CDK14: variants seen among roughly 807,000 people sequenced by gnomAD.
The protein encoded by CDK14 is cyclin-dependent kinase 14.
CDK14 carries 34 observed loss-of-function variants against 60.7 expected under a neutral mutation model. The observed-to-expected ratio is 0.56, with a 90% CI of 0.43 to 0.75. The LOEUF is 0.75. CDK14 is among the 30% of genes least tolerant of loss of function. The pLI is 0.00. For synonymous variants in CDK14, 197 were observed against 203.7 expected, an observed-to-expected ratio of 0.97 and a Z score of 0.28; for missense variants, 482 against 564.1, an observed-to-expected ratio of 0.85 and a Z score of 1.47.
intron 2 of CDK14, among the ~76,000 whole-genome samples, chr7:90,651,905 T>C (rs1400714312): frequency 6.6e-6 from 1 of 152,204 alleles, no homozygotes; most frequent in African/African-American, 2.4e-5. Context: ...ATACAAGTAC[T>C]TATTCCTATG....
chr7:90,838,665 G>A (rs561534124), intron 5 of CDK14, among the ~76,000 whole-genome samples: 3 of 152,270 alleles, frequency 2.0e-5, no homozygotes, highest in Admixed American at 6.5e-5. Context: ...TTATGCAGTT[G>A]AGATAAGGGA....
chr7:91,197,407 A>G (rs907087010), intron 14 of CDK14, among the ~76,000 whole-genome samples: 2 of 151,904 alleles, frequency 1.3e-5, no homozygotes, highest in Non-Finnish European at 2.9e-5. Context: ...GTCTCAAAAA[A>G]AAAAAAAAAA....
chr7:90,655,616 A>G lies in CDK14; in HGVS notation c.123+51367A>G, dbSNP rs188124775. Among the ~76,000 whole-genome samples the G allele has an allele frequency of 4.6e-5, 7 of 152,356 alleles. No homozygotes were observed. The South Asian group carries it at 8.3e-4, about 18-fold the overall frequency. On this transcript the variant is annotated intron_variant, in intron 2 of 14. Transcript: ENST00000380050. The stretch of plus-strand genomic sequence containing the variant: ...AGTATAAAATTGTTATCTGTTTTAT[A>G]ATTGCACATGAGCAACGTACTCAAC...
intron 2 of CDK14, among the ~76,000 whole-genome samples, chr7:90,639,563 T>C (rs1800262113): frequency 6.6e-6 from 1 of 151,962 alleles, no homozygotes; most frequent in African/African-American, 2.4e-5. Flanking sequence ...CCAGTTAGGC[T>C]GCTCGGGGGT....
intron 2 of CDK14, among the ~76,000 whole-genome samples, chr7:90,696,139 G>A (rs1054859410): frequency 5.9e-5 from 9 of 152,174 alleles, no homozygotes; most frequent in Non-Finnish European, 1.3e-4. Flanking sequence ...TGTTCTGAAA[G>A]GAGAGCCAAG....
chr7:90,862,892 T>G (rs1297926655), intron 5 of CDK14, among the ~76,000 whole-genome samples: 1 of 152,140 alleles, frequency 6.6e-6, no homozygotes, highest in East Asian at 1.9e-4. Flanking sequence ...AAAACCTTGT[T>G]TTTCTGGCCA....
rs906817743 is a variant in CDK14, at chr7:91,209,844, T to G, written c.*2708T>G. ...GCAGGGTGGCTGTCCATCCACTGAT[T>G]CTGGGGTGAGAAGCGATTTCTACCT... On this transcript the variant is annotated 3_prime_UTR_variant, in exon 15 of 15. Coordinates refer to ENST00000380050, the MANE Select transcript of CDK14 (RefSeq NM_001287135.2). 1 of 152,612 alleles carries G rather than the reference T, an allele frequency of 6.6e-6. No homozygotes were observed. The highest frequency in any genetic ancestry group is 2.4e-5 in the African/African-American group (1 of 41,434). The allele number at this position is 152,612 out of a possible 1,614,324, so 9.5% of individuals were successfully genotyped here.
chr7:91,127,719 A>G (rs1242297915), intron 14 of CDK14, among the ~76,000 whole-genome samples: 1 of 152,104 alleles, frequency 6.6e-6, no homozygotes, highest in Non-Finnish European at 1.5e-5. Context: ...CTACATGTCA[A>G]TTCATCTAGA....
rs528654191 is a variant in CDK14 at position 90,837,504 on chromosome 7, G to T, written c.545-25671G>T. ...AAAATTCTAGACAGCAGAATGATAAGCTTAGTGTATTAGAACATGATTTCA... is the reference window on the plus strand; with the variant it reads ...AAAATTCTAGACAGCAGAATGATAATCTTAGTGTATTAGAACATGATTTCA... On this transcript the variant is annotated intron_variant, in intron 5 of 14. Coordinates refer to ENST00000380050, the MANE Select transcript of CDK14 (RefSeq NM_001287135.2). Among the ~76,000 whole-genome samples, 6 of 152,092 alleles carry T rather than the reference G, an allele frequency of 3.9e-5. 1 individual carries two copies. The South Asian group carries it at 1.0e-3, about 26-fold the overall frequency.
intron 5 of CDK14, among the ~76,000 whole-genome samples, chr7:90,797,094 A>T (rs764599873): frequency 7.2e-5 from 11 of 151,872 alleles, no homozygotes; most frequent in Non-Finnish European, 1.5e-4. Flanking sequence ...TCATCCATGT[A>T]CAGTATAAGA....
intron 4 of CDK14, among the ~76,000 whole-genome samples, chr7:90,773,908 T>C (rs1397022211): frequency 8.5e-5 from 12 of 140,726 alleles, no homozygotes; most frequent in South Asian, 7.1e-4. Flanking sequence ...TCTTTCTTTT[T>C]TTTTTTTTTT....
At chr7:91,161,053 G>A (rs535105896) in intron 14 of CDK14, among the ~76,000 whole-genome samples, 1 of 152,328 alleles carries the variant, frequency 6.6e-6, no homozygotes, top group East Asian at 1.9e-4. Flanking sequence ...ATACACCTTG[G>A]AAAGGCGTAT....
At chr7:91,053,451 AG>A (rs1474592151) in intron 11 of CDK14, among the ~76,000 whole-genome samples, 1 of 152,150 alleles carries the variant, frequency 6.6e-6, no homozygotes, top group Admixed American at 6.5e-5. Flanking sequence ...GAGAATTGTC[AG>A]GCTCTTCCCA....
intron 4 of CDK14, among the ~76,000 whole-genome samples, chr7:90,777,812 TA>T (rs202192943): frequency 6.6e-6 from 1 of 152,204 alleles, no homozygotes; most frequent in South Asian, 2.1e-4. Context: ...CTATCCAAAG[TA>T]AAAAAACTCC....
chr7:91,097,773 A>C (rs1256427222), intron 12 of CDK14, among the ~76,000 whole-genome samples: 1 of 152,144 alleles, frequency 6.6e-6, no homozygotes, highest in Non-Finnish European at 1.5e-5. Context: ...ATCACCTCAC[A>C]GGCTGGGTGT....
At chr7:90,766,620 A>G (rs957314939) in intron 4 of CDK14, among the ~76,000 whole-genome samples, 1 of 152,106 alleles carries the variant, frequency 6.6e-6, no homozygotes, top group African/African-American at 2.4e-5. Flanking sequence ...AAACTTCAAA[A>G]TCTGCTTTCT....
intron 10 of CDK14, among the ~76,000 whole-genome samples, chr7:90,987,454 A>G (rs1795404437): frequency 6.6e-6 from 1 of 152,086 alleles, no homozygotes; most frequent in Admixed American, 6.6e-5. Flanking sequence ...ATAATTAGGA[A>G]ATGAAGATCA....
At chr7:90,677,421 T>C (rs561744848) in intron 2 of CDK14, among the ~76,000 whole-genome samples, 2 of 152,336 alleles carry the variant, frequency 1.3e-5, no homozygotes, top group South Asian at 2.1e-4. Context: ...CAAAGTCTTG[T>C]AGTAATTTTC....
intron 2 of CDK14, among the ~76,000 whole-genome samples, chr7:90,713,726 T>G (rs891583899): frequency 2.0e-5 from 3 of 151,792 alleles, no homozygotes; most frequent in Admixed American, 6.6e-5. Flanking sequence ...TCTCATGATG[T>G]AAGTCCCAGG....
Sources: allele counts gnomAD v4.1 joint callset (sites outside exome capture counted in the v4.1 genomes callset), GRCh38; gene constraint gnomAD v4.1.1; transcripts MANE v1.5; gene names NCBI Gene and HGNC (gene_info 2026-07-23, HGNC 2026-07-21).